The following KIAA1328 variants were observed in gnomAD, a reference collection of about 807,000 sequenced individuals.
KIAA1328 encodes protein hinderin.
A neutral mutation model predicts 68.1 loss-of-function variants in KIAA1328; 52 were observed. The observed-to-expected ratio is 0.76, with a 90% CI of 0.61 to 0.96. The LOEUF is 0.96. Among genes scored for constraint, KIAA1328 ranks in the 40% least tolerant of loss-of-function variants. The pLI is 0.00. For missense variants in KIAA1328, 641 were observed against 677.6 expected, an observed-to-expected ratio of 0.95 and a Z score of 0.60; for synonymous variants, 232 against 239.4, an observed-to-expected ratio of 0.97 and a Z score of 0.28.
chr18:37,061,207 TG>T, intron 6 of KIAA1328, among the ~76,000 whole-genome samples: 1 of 152,308 alleles, frequency 6.6e-6, no homozygotes, highest in East Asian at 1.9e-4. Context: ...AAAATTATGT[TG>T]AGCTAGAAAA....
intron 7 of KIAA1328, among the ~76,000 whole-genome samples, chr18:37,076,410 C>A (rs911270412): frequency 6.6e-6 from 1 of 151,764 alleles, no homozygotes; most frequent in Admixed American, 6.6e-5. Flanking sequence ...ACCCTAACAT[C>A]CCAATTAAAA....
intron 7 of KIAA1328, among the ~76,000 whole-genome samples, chr18:37,102,456 C>T (rs953270691): frequency 2.6e-5 from 4 of 152,100 alleles, no homozygotes; most frequent in African/African-American, 9.7e-5. Flanking sequence ...TGTGGTATAT[C>T]ACATCAACAA....
chr18:36,948,346 C>T (rs1240962865), intron 5 of KIAA1328, among the ~76,000 whole-genome samples: 1 of 149,200 alleles, frequency 6.7e-6, no homozygotes, highest in Non-Finnish European at 1.5e-5. Flanking sequence ...ACTGCAACCT[C>T]CAACTTCTTG....
intron 7 of KIAA1328, among the ~76,000 whole-genome samples, chr18:37,068,618 A>G (rs913899920): frequency 7.9e-5 from 12 of 152,196 alleles, no homozygotes; most frequent in African/African-American, 2.4e-4. Flanking sequence ...TTGCCCTCCT[A>G]TCTTCTTCAG....
intron 4 of KIAA1328, among the ~76,000 whole-genome samples, chr18:36,848,541 C>CTTTT (rs59271370): frequency 0.11 from 4,206 of 38,020 alleles, 742 homozygotes; most frequent in Non-Finnish European, 0.13. Context: ...TCTATAGATG[C>CTTTT]TTTTTTTTTT....
At chr18:36,944,742 G>A (rs1030428630) in intron 5 of KIAA1328, among the ~76,000 whole-genome samples, 3 of 152,148 alleles carry the variant, frequency 2.0e-5, no homozygotes, top group African/African-American at 7.2e-5. Flanking sequence ...CAGTAACTGC[G>A]AAACCAGGAG....
intron 6 of KIAA1328, among the ~76,000 whole-genome samples, chr18:37,065,956 TG>T (rs894846662): frequency 6.6e-6 from 1 of 152,066 alleles, no homozygotes; most frequent in African/African-American, 2.4e-5. Context: ...CAGATGGAGG[TG>T]TTCCATGATA....
chr18:37,188,971 A>G (rs1378737532), intron 9 of KIAA1328, among the ~76,000 whole-genome samples: 1 of 152,144 alleles, frequency 6.6e-6, no homozygotes, highest in Non-Finnish European at 1.5e-5. Context: ...CATTCATTTC[A>G]GATTGAAAGA....
chr18:36,939,089 A>G (rs558388219), intron 5 of KIAA1328, among the ~76,000 whole-genome samples: 4 of 152,178 alleles, frequency 2.6e-5, no homozygotes, highest in East Asian at 1.9e-4. Context: ...TTTGTAGTAC[A>G]GATTTGGGGT....
chr18:37,126,522 G>A (rs1289280555), intron 7 of KIAA1328, among the ~76,000 whole-genome samples: 1 of 152,108 alleles, frequency 6.6e-6, no homozygotes, highest in African/African-American at 2.4e-5. Context: ...TGGCGTTACT[G>A]TCGAATTCCA....
intron 5 of KIAA1328, among the ~76,000 whole-genome samples, chr18:36,913,536 A>ACAC (rs2049553273): frequency 1.2e-5 from 1 of 84,266 alleles, no homozygotes. Flanking sequence ...AGAGGAAAGC[A>ACAC]ACTGCCTACA....
chr18:36,876,917 C>T (rs2048147093), intron 4 of KIAA1328, among the ~76,000 whole-genome samples: 1 of 151,988 alleles, frequency 6.6e-6, no homozygotes, highest in African/African-American at 2.4e-5. Flanking sequence ...TTATTTCTGC[C>T]TTCATTTTGT....
At chr18:37,024,121 C>T (rs1182097894) in intron 6 of KIAA1328, among the ~76,000 whole-genome samples, 1 of 152,016 alleles carries the variant, frequency 6.6e-6, no homozygotes, top group African/African-American at 2.4e-5. Context: ...TCAGCCTCCA[C>T]AGTAGCTGGG....
At chr18:37,122,426 A>C (rs182415150) in intron 7 of KIAA1328, among the ~76,000 whole-genome samples, 254 of 152,226 alleles carry the variant, frequency 1.7e-3, no homozygotes, top group Admixed American at 1.9e-3. Context: ...ACTTAGAGTC[A>C]AAGGTGGGTT....
intron 9 of KIAA1328, among the ~76,000 whole-genome samples, chr18:37,182,578 A>T (rs1459098883): frequency 3.3e-5 from 5 of 152,142 alleles, no homozygotes; most frequent in African/African-American, 4.8e-5. Context: ...TCCCAGGGTC[A>T]CTCAAGCAAT....
rs768715254 is a variant in KIAA1328 at position 37,222,094 on chromosome 18, G to C, written c.1601G>C (p.Arg534Thr). The change falls in exon 10 of 10, where the codon AGA (arginine) becomes ACA (threonine). Residue 534 changes from arginine (R) to threonine (T), a missense_variant. Transcript: ENST00000280020. ...CCCAAACCTCAGCGCTATCCCTCCAGAGAAGCTGGGGCCTGGAATCATGGT... is the reference window on the plus strand; with the variant it reads ...CCCAAACCTCAGCGCTATCCCTCCACAGAAGCTGGGGCCTGGAATCATGGT... ...SAPKPQRYPS[R>T]EAGAWNHGTF... 8 of 1,613,530 alleles carry C rather than the reference G, an allele frequency of 5.0e-6. No homozygotes were observed. In the Admixed American group the frequency reaches 5.0e-5, roughly 10 times the overall value.
At chr18:36,977,708 A>T (rs2052524344) in intron 6 of KIAA1328, among the ~76,000 whole-genome samples, 1 of 152,096 alleles carries the variant, frequency 6.6e-6, no homozygotes, top group South Asian at 2.1e-4. Context: ...GACAACCCCC[A>T]GGTTTAGTGA....
chr18:36,960,816 A>G (rs890024559), intron 6 of KIAA1328, among the ~76,000 whole-genome samples: 2 of 152,242 alleles, frequency 1.3e-5, no homozygotes, highest in Non-Finnish European at 1.5e-5. Context: ...GTAGGTCACC[A>G]ACATCAAAGA....
chr18:37,220,641 C>G (rs555227383), intron 9 of KIAA1328, among the ~76,000 whole-genome samples: 214 of 152,278 alleles, frequency 1.4e-3, no homozygotes, highest in Non-Finnish European at 2.6e-3. Flanking sequence ...CAGTTCCTAT[C>G]CCAGTTCTCA....
Sources: allele counts gnomAD v4.1 joint callset (sites outside exome capture counted in the v4.1 genomes callset), GRCh38; gene constraint gnomAD v4.1.1; transcripts MANE v1.5; gene names NCBI Gene and HGNC (gene_info 2026-07-23, HGNC 2026-07-21).